RASAL2: variants seen among roughly 807,000 people sequenced by gnomAD.
RASAL2 encodes ras GTPase-activating protein nGAP.
Under a neutral mutation model 128.9 loss-of-function variants are expected in RASAL2, and 58 were observed. The ratio of observed to expected loss-of-function variants is 0.45; its 90% confidence interval spans 0.36 to 0.56. The LOEUF (loss-of-function observed/expected upper bound fraction) is 0.56, where lower values mean the gene tolerates loss of function less well. Ranked by LOEUF, RASAL2 falls within the 20% of genes least tolerant of loss-of-function variation. The pLI is 0.00. For synonymous variants in RASAL2, 561 were observed against 580.8 expected (o/e 0.97, Z 0.49); for missense variants, 1,360 against 1,601.6 (o/e 0.85, Z 2.57).
At chr1:178,355,652 A>G (rs1670763525) in intron 3 of RASAL2, among the ~76,000 whole-genome samples, 1 of 152,232 alleles carries the variant, frequency 6.6e-6, no homozygotes, top group Non-Finnish European at 1.5e-5. Flanking sequence ...AATATTAATA[A>G]CTTCTGTTTG....
chr1:178,179,260 G>C (rs1320762749), intron 1 of RASAL2, among the ~76,000 whole-genome samples: 1 of 152,176 alleles, frequency 6.6e-6, no homozygotes, highest in African/African-American at 2.4e-5. Context: ...GGGAAGAAGA[G>C]ATGAGCACAA....
chr1:178,170,238 AG>A (rs1327622070), intron 1 of RASAL2, among the ~76,000 whole-genome samples: 1 of 151,958 alleles, frequency 6.6e-6, no homozygotes, highest in Non-Finnish European at 1.5e-5. Context: ...TAGACAAAAA[AG>A]TTTCCTCTCC....
intron 8 of RASAL2, among the ~76,000 whole-genome samples, chr1:178,445,045 T>C (rs1676903962): frequency 6.6e-6 from 1 of 151,388 alleles, no homozygotes; most frequent in Non-Finnish European, 1.5e-5. Context: ...GAGGAAATGA[T>C]GTGTGAACTA....
intron 15 of RASAL2, 88 bp from the exon 16 acceptor site, chr1:178,465,829 AAAG>A (rs959915442): frequency 4.5e-5 from 48 of 1,077,398 alleles, no homozygotes; most frequent in Non-Finnish European, 5.7e-5. Context: ...AAAAAGAAAA[AAAG>A]AAAGAAAGAG....
Position 178,238,281 on chromosome 1 carries a change from A to G in RASAL2, c.203-45283A>G, listed in dbSNP as rs185377040. On this transcript the variant is annotated intron_variant, in intron 1 of 17. Coordinates refer to ENST00000367649, the MANE Select transcript of RASAL2 (RefSeq NM_170692.4). ...CTTTTTATCACTGACTTTCTATTGT[A>G]TGGATATACTATATTTCATTTATAC... is the stretch of plus-strand genomic sequence containing the variant. Among the ~76,000 whole-genome samples the G allele has an allele frequency of 2.4e-3, 368 of 152,254 alleles. 1 individual carries two copies. The highest frequency in any genetic ancestry group is 8.6e-3 in the African/African-American group (357 of 41,558).
At chr1:178,438,503 A>G (rs962532443) in intron 5 of RASAL2, among the ~76,000 whole-genome samples, 1 of 151,950 alleles carries the variant, frequency 6.6e-6, no homozygotes, top group Admixed American at 6.6e-5. Context: ...TATTGAGTCA[A>G]ACTGCATGGC....
At chr1:178,439,227 T>C (rs767230216) in intron 5 of RASAL2, among the ~76,000 whole-genome samples, 195 bp from the exon 6 acceptor site, 4 of 152,078 alleles carry the variant, frequency 2.6e-5, no homozygotes, top group African/African-American at 7.2e-5. Context: ...TGCACTCACA[T>C]AGATATATAG....
At chr1:178,145,157 G>A (rs1660680438) in intron 1 of RASAL2, among the ~76,000 whole-genome samples, 1 of 152,012 alleles carries the variant, frequency 6.6e-6, no homozygotes, top group Admixed American at 6.6e-5. Context: ...GGATAGTGAT[G>A]TTTTCTGTAA....
intron 3 of RASAL2, among the ~76,000 whole-genome samples, chr1:178,314,259 T>C (rs1398222134): frequency 1.3e-5 from 2 of 152,204 alleles, no homozygotes; most frequent in African/African-American, 4.8e-5. Context: ...ACTGTGTCTC[T>C]TGCAGTGTCA....
At chr1:178,413,916 AAG>A (rs1164738075) in intron 4 of RASAL2, among the ~76,000 whole-genome samples, 1 of 152,214 alleles carries the variant, frequency 6.6e-6, no homozygotes, top group African/African-American at 2.4e-5. Flanking sequence ...CAATTGAGGA[AAG>A]AATTTCTGAG....
intron 1 of RASAL2, among the ~76,000 whole-genome samples, chr1:178,102,398 C>T (rs1247534990): frequency 6.6e-6 from 1 of 151,734 alleles, no homozygotes; most frequent in Non-Finnish European, 1.5e-5. Flanking sequence ...ATAGCTCATG[C>T]CCAGGTTGGA....
chr1:178,390,348 T>C (rs909680272), intron 4 of RASAL2, 142 bp downstream of exon 4: 3 of 563,536 alleles, frequency 5.3e-6, no homozygotes, highest in South Asian at 5.8e-5. Flanking sequence ...GATAGACTCA[T>C]CAACTTGTGT....
At chr1:178,427,573 A>C (rs1485719290) in intron 5 of RASAL2, among the ~76,000 whole-genome samples, 1 of 152,118 alleles carries the variant, frequency 6.6e-6, no homozygotes, top group African/African-American at 2.4e-5. Context: ...TCTCCTTATT[A>C]ATTAGAATTT....
chr1:178,465,700 A>G (rs184149918), intron 15 of RASAL2, among the ~76,000 whole-genome samples: 44 of 152,314 alleles, frequency 2.9e-4, no homozygotes, highest in Middle Eastern at 3.4e-3. Context: ...GCAATGCTCC[A>G]TTAACATTTA....
At position 178,272,234 on chromosome 1, in the gene RASAL2, C is replaced by T. The variant is rs1219898103; in HGVS notation, c.203-11330C>T. Among the ~76,000 whole-genome samples, 4 of 152,026 alleles carry T rather than the reference C, an allele frequency of 2.6e-5. No individual in the cohort carries two copies. In the East Asian group the frequency reaches 7.7e-4, roughly 29 times the overall value. ...GCTTTACTTACAATAAACAAATACT[C>T]ATTGAACTTAAAAATAAAGGAGAAG... is the stretch of plus-strand genomic sequence containing the variant. On this transcript the variant is annotated intron_variant, in intron 1 of 17. Coordinates refer to ENST00000367649, the MANE Select transcript of RASAL2 (RefSeq NM_170692.4).
At chr1:178,441,451 C>A in intron 6 of RASAL2, 98 bp from the exon 7 acceptor site, 1 of 783,954 alleles carries the variant, frequency 1.3e-6, no homozygotes, top group Non-Finnish European at 2.1e-6. Flanking sequence ...GACATTTCGA[C>A]CTTATCATTT....
At chr1:178,274,089 A>G (rs1666383850) in intron 1 of RASAL2, among the ~76,000 whole-genome samples, 2 of 152,230 alleles carry the variant, frequency 1.3e-5, no homozygotes, top group Admixed American at 1.3e-4. Context: ...GATGCTATAA[A>G]TAGAGGTAGA....
At chr1:178,131,297 C>A (rs558804952) in intron 1 of RASAL2, among the ~76,000 whole-genome samples, 75 of 151,822 alleles carry the variant, frequency 4.9e-4, no homozygotes, top group African/African-American at 1.7e-3. Flanking sequence ...GTCTTGAACT[C>A]CCAGGCTCAA....
At chr1:178,404,053 C>G (rs1306821478) in intron 4 of RASAL2, among the ~76,000 whole-genome samples, 1 of 151,730 alleles carries the variant, frequency 6.6e-6, no homozygotes, top group African/African-American at 2.4e-5. Flanking sequence ...GCCGAAACCC[C>G]ATCTCTACTA....
Sources: allele counts gnomAD v4.1 joint callset (sites outside exome capture counted in the v4.1 genomes callset), GRCh38; gene constraint gnomAD v4.1.1; transcripts MANE v1.5; gene names NCBI Gene and HGNC (gene_info 2026-07-23, HGNC 2026-07-21).